The following RTEL1 variants were observed in gnomAD, a reference collection of about 807,000 sequenced individuals.
The protein encoded by RTEL1 is regulator of telomere elongation helicase 1.
A neutral mutation model predicts 162.2 loss-of-function variants in RTEL1; 86 were observed. The ratio of observed to expected loss-of-function variants is 0.53; its 90% CI spans 0.45 to 0.63. The LOEUF is 0.63. RTEL1 is among the 30% of genes least tolerant of loss of function. The pLI is 0.00. For synonymous variants in RTEL1, 958 were observed against 717.9 expected, an observed-to-expected ratio of 1.33 and a Z score of -5.35; for missense variants, 1,941 against 1,750.2, an observed-to-expected ratio of 1.11 and a Z score of -1.95.
chr20:63,674,801 C>T (rs985041680), intron 10 of RTEL1, among the ~76,000 whole-genome samples: 1 of 152,106 alleles, frequency 6.6e-6, no homozygotes, highest in African/African-American at 2.4e-5. Context: ...CCTGTAGGTT[C>T]CTTCCCAGTG....
At chr20:63,690,252 G>A (rs1303800568) in intron 25 of RTEL1, 42 bp downstream of exon 25, 14 of 1,604,198 alleles carry the variant, frequency 8.7e-6, no homozygotes, top group Middle Eastern at 1.7e-4. Flanking sequence ...GTTGTCCCCA[G>A]AGGAGCCAGA....
chr20:63,678,222 G>A (rs760518330), intron 11 of RTEL1, 39 bp downstream of exon 11: 1 of 1,613,126 alleles, frequency 6.2e-7, no homozygotes, highest in East Asian at 2.2e-5. Context: ...AGCTGGGTGG[G>A]GCCTCCTCCT....
chr20:63,674,221 G>A lies in RTEL1; in HGVS notation c.919+128G>A, dbSNP rs145127126. On this transcript the variant is annotated intron_variant, in intron 10 of 34. Transcript: ENST00000360203. ...GCCAGGCTGCTTGGTCCTGAGGCCCGTGCTACTGCAGTGGGCAGCCTGCCC... is the reference window on the plus strand; with the variant it reads ...GCCAGGCTGCTTGGTCCTGAGGCCCATGCTACTGCAGTGGGCAGCCTGCCC... 2,136 of 1,446,328 alleles carry A rather than the reference G, an allele frequency of 1.5e-3. 3 individuals are homozygous for A. The highest frequency in any genetic ancestry group is 5.5e-3 in the Admixed American group (206 of 37,128). 89.6% of individuals were successfully genotyped at this position (1,446,328 alleles called of 1,614,324 possible).
rs2090013853 is a variant in RTEL1 at position 63,661,225 on chromosome 20, T to G, written c.103-73T>G. On this transcript the variant is annotated intron_variant, in intron 2 of 34. Transcript: ENST00000360203. This position sits in a 1 kb window ranked among gnomAD's most constrained non-coding sequence, Gnocchi z 5.1. ...AGAGCTGCCCGCTGGCTGCCGAAGCTTGTCTCAGGGCAGCTTGTGTGGCCT... is the reference window on the plus strand; with the variant it reads ...AGAGCTGCCCGCTGGCTGCCGAAGCGTGTCTCAGGGCAGCTTGTGTGGCCT... The G allele has an allele frequency of 1.4e-6, 2 of 1,430,152 alleles. No homozygotes were observed. Among genetic ancestry groups the G allele is most frequent in the Non-Finnish European group, 1.9e-6 (2 of 1,030,734 alleles). 88.6% of individuals were successfully genotyped at this position (1,430,152 alleles called of 1,614,324 possible).
intron 5 of RTEL1, 61 bp downstream of exon 5, chr20:63,662,688 A>T: frequency 1.2e-6 from 2 of 1,608,318 alleles, no homozygotes; most frequent in Non-Finnish European, 1.7e-6. Flanking sequence ...CTGGGTGTCC[A>T]GAGCCCCAGG....
rs773448494 is a variant in RTEL1, at chr20:63,694,448, C to G, written c.3069C>G (p.Asn1023Lys). Residue 1023 changes from asparagine to lysine, a missense_variant, in exon 31 of 35, where the codon AAC becomes AAG. Asn to Lys is a moderately conservative substitution (Grantham distance 94, BLOSUM62 0). Coordinates refer to ENST00000360203, the MANE Select transcript of RTEL1 (RefSeq NM_001283009.2). ...AQQLDPQEHL[N>K]QGRPHLSPRP... ...AGCTGGACCCCCAAGAGCACCTGAA[C>G]CAGGGCAGGCCCCACCTGTCGCCCA... is the stretch of plus-strand genomic sequence containing the variant. 2 of 1,609,296 alleles carry G rather than the reference C, an allele frequency of 1.2e-6. No individual in the cohort carries two copies. The highest frequency in any genetic ancestry group is 1.3e-5 in the African/African-American group (1 of 74,996).
rs1320519105 is a variant in RTEL1, at chr20:63,695,175, G to A, written c.3453G>A (p.Glu1151=). ...PGMEPPGPQE[E]RLAVPPVLTH... Reference sequence around the variant, plus strand: ...TGGAGCCACCGGGACCCCAGGAGGAGAGGCTTGCCGTGCCTCCTGTGCTTA... The same window carrying A: ...TGGAGCCACCGGGACCCCAGGAGGAAAGGCTTGCCGTGCCTCCTGTGCTTA... The change falls in exon 33 of 35, where the codon GAG becomes GAA. Residue 1151 remains glutamate (E), a synonymous_variant. Transcript: ENST00000360203. 6.2e-7 allele frequency: 1 copy of A among 1,612,302 alleles called. No individual in the cohort carries two copies. Among genetic ancestry groups the A allele is most frequent in the East Asian group, 2.2e-5 (1 of 44,854 alleles).
At chr20:63,694,299 G>GGGCCGGCCC in intron 30 of RTEL1, 73 bp from the exon 31 acceptor site, 1 of 841,718 alleles carries the variant, frequency 1.2e-6, no homozygotes, top group Non-Finnish European at 2.0e-6. Context: ...TCCCTAGCCA[G>GGGCCGGCCC]CCCTGCCCCC....
rs373874416 is a variant in RTEL1 at position 63,661,445 on chromosome 20, C to T, written c.250C>T (p.Arg84Trp). 2.8e-5 allele frequency: 45 copies of T among 1,613,454 alleles called. No homozygotes were observed. The Middle Eastern group carries it at 4.9e-4, about 18-fold the overall frequency. The change falls in exon 3 of 35, where the codon CGG becomes TGG. Residue 84 changes from arginine (R) to tryptophan (W), a missense_variant. By Grantham distance (101) the Arg-to-Trp change is moderately radical. Transcript: ENST00000360203. This position sits in a 1 kb window ranked among gnomAD's most constrained non-coding sequence, Gnocchi z 5.1. ...ERAQGELFPD[R>W]ALSSWGNAAA... ...GGCGCAAGGAGAGCTTTTCCCGGAT[C>T]GGGCCTTGTCATCCTGGGGCAACGC...
chr20:63,691,529 C>A (rs575256236), intron 27 of RTEL1, among the ~76,000 whole-genome samples: 3 of 152,238 alleles, frequency 2.0e-5, no homozygotes, highest in Admixed American at 6.5e-5. Flanking sequence ...CCTGCTCTTA[C>A]AAGTCACCAC....
chr20:63,691,633 TC>T (rs2090747000), intron 27 of RTEL1, 108 bp from the exon 28 acceptor site: 1 of 918,550 alleles, frequency 1.1e-6, no homozygotes, highest in Non-Finnish European at 1.7e-6. Context: ...CCGACCTCCA[TC>T]TTGGCTCAGG....
intron 22 of RTEL1, among the ~76,000 whole-genome samples, 161 bp from the exon 23 acceptor site, chr20:63,689,341 G>A (rs968297782): frequency 6.6e-6 from 1 of 152,186 alleles, no homozygotes; most frequent in Non-Finnish European, 1.5e-5. Context: ...TGGAGGTGGC[G>A]TCTGGGAGCT....
rs2146148418 is a variant in RTEL1, at chr20:63,661,289, T to C, written c.103-9T>C. On this transcript the variant is annotated splice_polypyrimidine_tract_variant and intron_variant, in intron 2 of 34. Transcript: ENST00000360203. This position sits in a 1 kb window ranked among gnomAD's most constrained non-coding sequence, Gnocchi z 5.1. ...CTTCCCCGTAACCCTTGCTCCGAAC[T>C]CCGTTCAGAAGGTGAATGGCATCCT... is the stretch of plus-strand genomic sequence containing the variant. 1.2e-6 allele frequency: 2 copies of C among 1,610,714 alleles called. No individual in the cohort carries two copies. Among genetic ancestry groups the C allele is most frequent in the Non-Finnish European group, 1.7e-6 (2 of 1,179,074 alleles).
In RTEL1 at chr20:63,693,221, G is replaced by A. The variant is rs2145449091; in HGVS notation, c.2930G>A (p.Gly977Asp). The change falls in exon 30 of 35, where the codon GGC (glycine) becomes GAC (aspartate). Residue 977 changes from glycine (G) to aspartate (D), a missense_variant. By Grantham distance (94) the Gly-to-Asp change is moderately conservative. Coordinates refer to ENST00000360203, the MANE Select transcript of RTEL1 (RefSeq NM_001283009.2). Reference protein sequence around the residue: ...VCIQLTGRGCGYRPEHSIPRR... With the variant: ...VCIQLTGRGCDYRPEHSIPRR... ...ATCCAGCTGACAGGACGAGGCTGTG[G>A]CTATCGGCCTGAGCACAGCATTCCC... The A allele has an allele frequency of 1.2e-6, 2 of 1,612,126 alleles. No individual in the cohort carries two copies. Among genetic ancestry groups the A allele is most frequent in the Non-Finnish European group, 1.7e-6 (2 of 1,179,524 alleles).
chr20:63,672,758 G>T lies in RTEL1; in HGVS notation c.765+137G>T, dbSNP rs553984328. ...CCAGGACTGGGGACTGAGCACACCA[G>T]GAGCTTCTGCCACCCCCTCCCGCCC... On this transcript the variant is annotated intron_variant, in intron 9 of 34. Transcript: ENST00000360203. The T allele has an allele frequency of 3.7e-4, 269 of 726,724 alleles. No individual in the cohort carries two copies. In the East Asian group the frequency reaches 6.2e-3, roughly 17 times the overall value. The allele number at this position is 726,724 out of a possible 1,614,324, so 45.0% of individuals were successfully genotyped here.
intron 28 of RTEL1, 111 bp downstream of exon 28, chr20:63,691,948 C>A: frequency 1.3e-6 from 1 of 779,758 alleles, no homozygotes; most frequent in Non-Finnish European, 2.1e-6. Flanking sequence ...AATCCACCCC[C>A]AGGAGCTGAT....
chr20:63,689,838 A>G lies in RTEL1; in HGVS notation c.2114A>G (p.Tyr705Cys), dbSNP rs2090684972. ...CGAGTGATCCGGCACCGCCAGGACTACGGAGCTGTCTTCCTCTGTGACCAC... is the reference window on the plus strand; with the variant it reads ...CGAGTGATCCGGCACCGCCAGGACTGCGGAGCTGTCTTCCTCTGTGACCAC... ...IGRVIRHRQD[Y>C]GAVFLCDHRF... The change falls in exon 24 of 35, where the codon TAC becomes TGC. Residue 705 changes from tyrosine to cysteine, a missense_variant. By Grantham distance (194) the Tyr-to-Cys change is radical. Coordinates refer to ENST00000360203, the MANE Select transcript of RTEL1 (RefSeq NM_001283009.2). 4 of 1,610,768 alleles carry G rather than the reference A, an allele frequency of 2.5e-6. No individual in the cohort carries two copies. The highest frequency in any genetic ancestry group is 3.4e-6 in the Non-Finnish European group (4 of 1,179,750).
chr20:63,696,189 C>T lies in RTEL1; in HGVS notation c.*331C>T, dbSNP rs538712692. ...GGGAAGGAGGAGACCCCCGTGGGCA[C>T]GTGTCCACTTTTAATCAGGGGACAG... On this transcript the variant is annotated 3_prime_UTR_variant, in exon 35 of 35. Coordinates refer to ENST00000360203, the MANE Select transcript of RTEL1 (RefSeq NM_001283009.2). The T allele has an allele frequency of 6.2e-5, 27 of 438,226 alleles. No individual in the cohort carries two copies. Among genetic ancestry groups the T allele is most frequent in the Middle Eastern group, 6.0e-4 (1 of 1,670 alleles). The allele number at this position is 438,226 out of a possible 1,614,324, so 27.1% of individuals were successfully genotyped here. A position where few individuals can be genotyped will look rare whatever the true frequency, so the allele number is the denominator to read the frequency against.
chr20:63,689,159 G>C, intron 22 of RTEL1, 27 bp downstream of exon 22: 1 of 1,601,512 alleles, frequency 6.2e-7, no homozygotes, highest in Admixed American at 1.7e-5. Flanking sequence ...CCTCTGCCCT[G>C]ACCTGGTTGC....
Sources: gnomAD v4.1 joint callset for allele counts (sites outside exome capture counted in the v4.1 genomes callset) on GRCh38, gnomAD v4.1.1 for gene constraint, Gnocchi (gnomAD v3.1) non-coding constraint, MANE v1.5 for transcripts, NCBI Gene and HGNC (gene_info 2026-07-23, HGNC 2026-07-21) for gene names.